CCBE1: variants seen among roughly 807,000 people sequenced by gnomAD.
The protein encoded by CCBE1 is collagen and calcium-binding EGF domain-containing protein 1.
In CCBE1, 37 loss-of-function variants were observed where a neutral mutation model predicts 50.0. That is an observed-to-expected ratio of 0.74 (90% CI 0.57 to 0.97). The LOEUF is 0.97. CCBE1 is among the 50% of genes least tolerant of loss of function. The probability of loss-of-function intolerance (pLI) is 0.00; values close to 1 mark genes in which losing one functional copy is unlikely to be tolerated. For missense variants in CCBE1, 538 were observed against 523.8 expected (o/e 1.03, Z -0.26); for synonymous variants, 234 against 203.7 (o/e 1.15, Z -1.27).
chr18:59,645,687 G>A (rs1237786981), intron 2 of CCBE1, among the ~76,000 whole-genome samples: 1 of 152,144 alleles, frequency 6.6e-6, no homozygotes, highest in Non-Finnish European at 1.5e-5. Context: ...GAAACTGTAG[G>A]TTTTGAAACC....
chr18:59,627,729 G>C (rs984143441), intron 2 of CCBE1, among the ~76,000 whole-genome samples: 4 of 152,190 alleles, frequency 2.6e-5, no homozygotes, highest in South Asian at 2.1e-4. Flanking sequence ...GAAGCAGCAA[G>C]GATATGCTCC....
At chr18:59,633,458 T>G (rs368528573) in intron 2 of CCBE1, among the ~76,000 whole-genome samples, 46 of 152,240 alleles carry the variant, frequency 3.0e-4, no homozygotes, top group Non-Finnish European at 3.5e-4. Flanking sequence ...CATTATTTAT[T>G]GCCAACAGCA....
At chr18:59,512,355 C>T (rs1041122572) in intron 2 of CCBE1, among the ~76,000 whole-genome samples, 3 of 152,244 alleles carry the variant, frequency 2.0e-5, no homozygotes, top group African/African-American at 2.4e-5. Flanking sequence ...TAGACACAGC[C>T]GTGGGGTTGG....
chr18:59,546,857 C>A (rs934332172), intron 2 of CCBE1, among the ~76,000 whole-genome samples: 1 of 152,204 alleles, frequency 6.6e-6, no homozygotes, highest in Non-Finnish European at 1.5e-5. Context: ...TTATCCATAG[C>A]AATCTCATCC....
At chr18:59,466,689 A>AAT in intron 5 of CCBE1, 50 bp downstream of exon 5, 2 of 1,332,088 alleles carry the variant, frequency 1.5e-6, no homozygotes, top group Non-Finnish European at 2.1e-6. Context: ...TTATATATAT[A>AAT]ATATATAAAA....
intron 2 of CCBE1, among the ~76,000 whole-genome samples, chr18:59,512,813 C>T (rs192945820): frequency 6.6e-5 from 10 of 152,208 alleles, no homozygotes; most frequent in East Asian, 1.9e-4. Context: ...AGCAGGCCCA[C>T]GGCTCTCACT....
intron 4 of CCBE1, 21 bp from the exon 5 acceptor site, chr18:59,466,912 A>C: frequency 6.2e-7 from 1 of 1,603,390 alleles, no homozygotes; most frequent in Non-Finnish European, 8.5e-7. Flanking sequence ...CCAAATGTAG[A>C]GAATACTAAG....
chr18:59,510,950 G>A (rs1226617354), intron 2 of CCBE1, among the ~76,000 whole-genome samples: 1 of 152,240 alleles, frequency 6.6e-6, no homozygotes, highest in East Asian at 1.9e-4. Flanking sequence ...TATACCATCA[G>A]GAGCATCGGT....
intron 2 of CCBE1, among the ~76,000 whole-genome samples, chr18:59,504,012 A>T (rs923949399): frequency 1.5e-4 from 23 of 152,166 alleles, no homozygotes; most frequent in African/African-American, 5.6e-4. Context: ...TGCCTTGTTC[A>T]TCTTTATCAT....
intron 2 of CCBE1, among the ~76,000 whole-genome samples, chr18:59,523,568 T>C (rs1308117403): frequency 6.6e-6 from 1 of 152,172 alleles, no homozygotes; most frequent in African/African-American, 2.4e-5. Flanking sequence ...ATAGCAGCTA[T>C]CATTCTATTA....
intron 2 of CCBE1, among the ~76,000 whole-genome samples, chr18:59,567,380 C>T (rs932524167): frequency 6.6e-6 from 1 of 152,174 alleles, no homozygotes; most frequent in Non-Finnish European, 1.5e-5. Context: ...GTGATCCATC[C>T]GCCTTGGCCT....
At chr18:59,570,680 G>C (rs549351449) in intron 2 of CCBE1, among the ~76,000 whole-genome samples, 1 of 152,090 alleles carries the variant, frequency 6.6e-6, no homozygotes, top group African/African-American at 2.4e-5. Flanking sequence ...ATGTGCTGGC[G>C]GGGGTGGGGC....
At chr18:59,547,535 T>C (rs768420001) in intron 2 of CCBE1, among the ~76,000 whole-genome samples, 3 of 151,970 alleles carry the variant, frequency 2.0e-5, no homozygotes, top group Non-Finnish European at 4.4e-5. Context: ...ACAGAGCAAT[T>C]TAAATTAGCA....
At chr18:59,513,223 G>C (rs558197511) in intron 2 of CCBE1, among the ~76,000 whole-genome samples, 1 of 152,192 alleles carries the variant, frequency 6.6e-6, no homozygotes, top group Admixed American at 6.5e-5. Context: ...CATGAGAATC[G>C]CTTGAACCGG....
chr18:59,627,373 A>C (rs759350018), intron 2 of CCBE1, among the ~76,000 whole-genome samples: 1 of 152,232 alleles, frequency 6.6e-6, no homozygotes, highest in Non-Finnish European at 1.5e-5. Context: ...CCAAAGCAGT[A>C]TACTTCCTTA....
chr18:59,654,262 T>C (rs1214058304), intron 2 of CCBE1, among the ~76,000 whole-genome samples: 1 of 152,146 alleles, frequency 6.6e-6, no homozygotes, highest in African/African-American at 2.4e-5. Context: ...GCCTTCACCA[T>C]GAAACAAAAG....
chr18:59,589,790 C>CAAAAAAAAAAAAAAAAAA (rs752546235), intron 2 of CCBE1, among the ~76,000 whole-genome samples: 2 of 73,114 alleles, frequency 2.7e-5, no homozygotes, highest in African/African-American at 1.0e-4. Flanking sequence ...GACTCCATCT[C>CAAAAAAAAAAAAAAAAAA]AAAAAAAAAA....
At chr18:59,613,518 CTCAA>C (rs1343615218) in intron 2 of CCBE1, among the ~76,000 whole-genome samples, 4 of 152,188 alleles carry the variant, frequency 2.6e-5, no homozygotes, top group Non-Finnish European at 5.9e-5. Context: ...ACAAATTACA[CTCAA>C]TGTTTTAAAC....
At chr18:59,632,648 G>T (rs2053864292) in intron 2 of CCBE1, among the ~76,000 whole-genome samples, 1 of 151,982 alleles carries the variant, frequency 6.6e-6, no homozygotes, top group Non-Finnish European at 1.5e-5. Flanking sequence ...GAGTGCAGTG[G>T]CACGATCTTG....
Sources: allele counts gnomAD v4.1 joint callset (sites outside exome capture counted in the v4.1 genomes callset), GRCh38; gene constraint gnomAD v4.1.1; transcripts MANE v1.5; gene names NCBI Gene and HGNC (gene_info 2026-07-23, HGNC 2026-07-21).